CYLC1: variants seen among roughly 807,000 people sequenced by gnomAD.
The protein encoded by CYLC1 is cylicin 1, also known as cylicin-1.
In CYLC1, 2 loss-of-function variants were observed where a neutral mutation model predicts 31.6. The ratio of observed to expected loss-of-function variants is 0.06; its 90% CI spans 0.03 to 0.20. CYLC1 has a LOEUF of 0.20. CYLC1 is among the 10% of genes least tolerant of loss of function. CYLC1 has a pLI of 1.00. For missense variants in CYLC1, 595 were observed against 424.1 expected, an observed-to-expected ratio of 1.40 and a Z score of -3.54; for synonymous variants, 185 against 153.0, an observed-to-expected ratio of 1.21 and a Z score of -1.54.
intron 1 of CYLC1, among the ~76,000 whole-genome samples, chrX:83,864,010 T>G (rs1285087916): frequency 1.4e-4 from 16 of 111,642 alleles, no homozygotes; most frequent in Admixed American, 1.3e-3. Context: ...TGTAGATGCA[T>G]TACACCAATA....
At position 83,871,535 on chromosome X, in the gene CYLC1, A is replaced by C. The variant is rs140363451; in HGVS notation, c.142A>C (p.Lys48Gln). Reference protein sequence around the residue: ...PKPLQRGTNDKSRPLKSQITV... With the variant: ...PKPLQRGTNDQSRPLKSQITV... ...ACCACTCCAGAGAGGTACAAATGAT[A>C]AATCAAGACCTTTGAAATCACAAAT... The change falls in exon 3 of 5, where the codon AAA (lysine) becomes CAA (glutamine). Residue 48 changes from lysine to glutamine, a missense_variant. Lys to Gln is a moderately conservative substitution (Grantham distance 53). Transcript: ENST00000329312. The C allele has an allele frequency of 1.0e-4, 123 of 1,197,640 alleles. 1 individual carries two copies. In the African/African-American group the frequency reaches 2.1e-3, roughly 20 times the overall value.
At chrX:83,877,908 A>AT (rs2031798680) in intron 4 of CYLC1, among the ~76,000 whole-genome samples, 1 of 21,594 alleles carries the variant, frequency 4.6e-5, no homozygotes, top group Non-Finnish European at 1.2e-4. Flanking sequence ...AAATATATAT[A>AT]AATATATATA....
At chrX:83,870,853 C>G (rs990476947) in intron 2 of CYLC1, among the ~76,000 whole-genome samples, 1 of 110,710 alleles carries the variant, frequency 9.0e-6, no homozygotes, top group Non-Finnish European at 1.9e-5. Flanking sequence ...TATTCTTGTC[C>G]TCAAGTATGT....
At chrX:83,867,468 T>C (rs1216192305) in intron 1 of CYLC1, among the ~76,000 whole-genome samples, 1 of 111,881 alleles carries the variant, frequency 8.9e-6, no homozygotes, top group African/African-American at 3.2e-5. Flanking sequence ...CATAGTAGCC[T>C]AAACAACATA....
chrX:83,883,993 T>C (rs1299485792), intron 4 of CYLC1, among the ~76,000 whole-genome samples: 2 of 111,345 alleles, frequency 1.8e-5, no homozygotes, highest in Non-Finnish European at 3.8e-5. Context: ...TATTCAAAAA[T>C]TACCAACTAA....
intron 4 of CYLC1, among the ~76,000 whole-genome samples, chrX:83,877,897 C>A (rs200144215): frequency 3.0e-5 from 1 of 32,905 alleles, no homozygotes; most frequent in African/African-American, 9.5e-5. Flanking sequence ...TATATATATA[C>A]AAATATATAT....
At position 83,874,731 on chromosome X, in the gene CYLC1, T is replaced by C. The variant is rs183281631; in HGVS notation, c.1923+100T>C. 313 of 904,786 alleles carry C rather than the reference T, an allele frequency of 3.5e-4. No homozygotes were observed. The African/African-American group carries it at 5.9e-3, about 17-fold the overall frequency. The allele number at this position is 904,786 out of a possible 1,213,427, so 74.6% of individuals were successfully genotyped here. ...TTTTCTCCAAATAATAGTTATCTTT[T>C]ACTAGAATATTGACAACTTTGTGAC... On this transcript the variant is annotated intron_variant, in intron 4 of 4. Transcript: ENST00000329312.
At chrX:83,881,918 G>A (rs916096413) in intron 4 of CYLC1, among the ~76,000 whole-genome samples, 3 of 109,641 alleles carry the variant, frequency 2.7e-5, no homozygotes, top group African/African-American at 6.6e-5. Context: ...GGATGGTTTC[G>A]ATCTCCTGAC....
intron 4 of CYLC1, among the ~76,000 whole-genome samples, chrX:83,880,113 A>G (rs2031888612): frequency 8.9e-6 from 1 of 111,869 alleles, no homozygotes; most frequent in Admixed American, 9.6e-5. Context: ...TTTGCATATT[A>G]TAGGTATTAC....
At position 83,886,508 on chromosome X, in the gene CYLC1, T is replaced by C. The variant is rs1426330140; in HGVS notation, c.1924-44T>C. Reference sequence around the variant, plus strand: ...ATAGTTGTCTTGATTAATAGACAAATAAAGCCTTTCTTTTTATTTGCATTT... The same window carrying C: ...ATAGTTGTCTTGATTAATAGACAAACAAAGCCTTTCTTTTTATTTGCATTT... On this transcript the variant is annotated intron_variant, in intron 4 of 4. Transcript: ENST00000329312. 3.4e-6 allele frequency: 4 copies of C among 1,174,455 alleles called. No individual in the cohort carries two copies. In the African/African-American group the frequency reaches 5.3e-5, roughly 16 times the overall value.
chrX:83,885,608 G>T (rs1240395246), intron 4 of CYLC1, among the ~76,000 whole-genome samples: 1 of 109,384 alleles, frequency 9.1e-6, no homozygotes, highest in Non-Finnish European at 1.9e-5. Context: ...GCTGACTTCA[G>T]AAGGGGACCA....
At chrX:83,861,612 A>G (rs2031509733) in intron 1 of CYLC1, among the ~76,000 whole-genome samples, 1 of 112,094 alleles carries the variant, frequency 8.9e-6, no homozygotes, top group Admixed American at 9.5e-5. Context: ...TATTTTTCTG[A>G]TAAATACATT....
At chrX:83,881,881 A>G (rs2031913106) in intron 4 of CYLC1, among the ~76,000 whole-genome samples, 1 of 109,975 alleles carries the variant, frequency 9.1e-6, no homozygotes, top group African/African-American at 3.3e-5. Flanking sequence ...TATTTTTAGT[A>G]GAGACGGGAT....
chrX:83,870,951 G>T (rs1298953537), intron 2 of CYLC1, among the ~76,000 whole-genome samples: 1 of 110,541 alleles, frequency 9.0e-6, no homozygotes, highest in Admixed American at 9.7e-5. Context: ...ATGCCACTGA[G>T]GTCAGAGAGG....
At chrX:83,879,438 T>A (rs1200313010) in intron 4 of CYLC1, among the ~76,000 whole-genome samples, 1 of 111,880 alleles carries the variant, frequency 8.9e-6, no homozygotes, top group Non-Finnish European at 1.9e-5. Flanking sequence ...TACAACTTAT[T>A]TTCTCACTTG....
chrX:83,874,002 G>C lies in CYLC1; in HGVS notation c.1294G>C (p.Asp432His), dbSNP rs1276813420. 1.7e-6 allele frequency: 2 copies of C among 1,188,677 alleles called. No homozygotes were observed. The highest frequency in any genetic ancestry group is 6.0e-5 in the East Asian group (2 of 33,142). The part of the protein sequence containing the change: ...EKKDKKDSKT[D>H]NKKSVKNDEE... ...AAAGGATAAAAAAGATTCAAAGACA[G>C]ATAATAAAAAGTCTGTCAAGAATGA... The change falls in exon 4 of 5, where the codon GAT becomes CAT. Residue 432 changes from aspartate to histidine, a missense_variant. Asp to His is a moderately conservative substitution (Grantham distance 81). Coordinates refer to ENST00000329312, the MANE Select transcript of CYLC1 (RefSeq NM_021118.3).
rs770584734 is a variant in CYLC1, at chrX:83,873,583, C to G, written c.875C>G (p.Ala292Gly). Residue 292 changes from alanine to glycine, a missense_variant, in exon 4 of 5, where the codon GCA becomes GGA. Coordinates refer to ENST00000329312, the MANE Select transcript of CYLC1 (RefSeq NM_021118.3). ...ACAAAGAAGGACACAAAAAAGAATGCAAAGAAAAGCTCTGATGCTGAATCT... is the reference window on the plus strand; with the variant it reads ...ACAAAGAAGGACACAAAAAAGAATGGAAAGAAAAGCTCTGATGCTGAATCT... The part of the protein sequence containing the change: ...KYTKKDTKKN[A>G]KKSSDAESED... 2.5e-6 allele frequency: 3 copies of G among 1,189,417 alleles called. No homozygotes were observed. The highest frequency in any genetic ancestry group is 3.4e-6 in the Non-Finnish European group (3 of 883,240).
rs966462650 is a variant in CYLC1, at chrX:83,871,394, C to G, written c.59-58C>G. The G allele has an allele frequency of 1.7e-5, 14 of 824,184 alleles. No homozygotes were observed. The African/African-American group carries it at 2.7e-4, about 16-fold the overall frequency. 67.9% of individuals were successfully genotyped at this position (824,184 alleles called of 1,213,427 possible). A position where few individuals can be genotyped will look rare whatever the true frequency, so the allele number is the denominator to read the frequency against. On this transcript the variant is annotated intron_variant, in intron 2 of 4. Transcript: ENST00000329312. Reference sequence around the variant, plus strand: ...ATATGTTTCTTACTCAAGAATAATTCAGGTCTGTGGAAAATCTGACATTAA... The same window carrying G: ...ATATGTTTCTTACTCAAGAATAATTGAGGTCTGTGGAAAATCTGACATTAA...
intron 1 of CYLC1, among the ~76,000 whole-genome samples, chrX:83,864,399 A>G (rs906933114): frequency 9.0e-6 from 1 of 110,723 alleles, no homozygotes; most frequent in African/African-American, 3.3e-5. Flanking sequence ...AGTAACTCCT[A>G]CCACTTAAAA....
Sources: gnomAD v4.1 joint callset for allele counts (sites outside exome capture counted in the v4.1 genomes callset) on GRCh38, gnomAD v4.1.1 for gene constraint, MANE v1.5 for transcripts, NCBI Gene and HGNC (gene_info 2026-07-23, HGNC 2026-07-21) for gene names.